Variants in DLG2 observed in about 807,000 individuals in gnomAD.
DLG2 encodes the protein disks large homolog 2.
In DLG2, 45 loss-of-function variants were observed where a neutral mutation model predicts 132.5. The observed-to-expected ratio is 0.34, with a 90% CI of 0.27 to 0.44. The LOEUF (loss-of-function observed/expected upper bound fraction) is 0.44, where lower values mean the gene tolerates loss of function less well. Ranked by LOEUF, DLG2 falls within the 20% of genes least tolerant of loss-of-function variation. The pLI is 1.00. For missense variants in DLG2, 1,045 were observed against 1,196.9 expected (o/e 0.87, Z 1.87); for synonymous variants, 424 against 419.6 (o/e 1.01, Z -0.13).
chr11:85,605,142 C>T (rs1384229943), intron 2 of DLG2, among the ~76,000 whole-genome samples: 2 of 152,066 alleles, frequency 1.3e-5, no homozygotes, highest in African/African-American at 4.8e-5. Flanking sequence ...CTTTTAAATG[C>T]ATTATCTTAT....
chr11:85,069,969 A>C (rs1041715604), intron 6 of DLG2, among the ~76,000 whole-genome samples: 1 of 152,098 alleles, frequency 6.6e-6, no homozygotes, highest in African/African-American at 2.4e-5. Context: ...AATACTATGC[A>C]GCCATAAAAA....
rs12271444 is a variant in DLG2 at position 84,625,117 on chromosome 11, C to T, written c.358-90386G>A. 3.9e-3 allele frequency among the ~76,000 whole-genome samples: 591 copies of T among 151,952 alleles called. 6 individuals are homozygous for T. Among genetic ancestry groups the T allele is most frequent in the African/African-American group, 0.013 (542 of 41,392 alleles). ...CCTCGTGATCCGCCCGCCTCGGCCT[C>T]CCAAAGTGCTGGGATTACAGGCGTG... On this transcript the variant is annotated intron_variant, in intron 6 of 27. Coordinates refer to ENST00000376104, the MANE Select transcript of DLG2 (RefSeq NM_001142699.3).
intron 6 of DLG2, among the ~76,000 whole-genome samples, chr11:84,981,967 A>G (rs1425246617): frequency 6.6e-6 from 1 of 152,178 alleles, no homozygotes; most frequent in Non-Finnish European, 1.5e-5. Context: ...CCATTTTATA[A>G]CAACTCCTTT....
At chr11:85,539,915 A>G (rs1219741637) in intron 3 of DLG2, among the ~76,000 whole-genome samples, 1 of 152,206 alleles carries the variant, frequency 6.6e-6, no homozygotes. Context: ...ACCTTAAGCA[A>G]TGAATACTCA....
At chr11:84,404,154 C>T (rs1190393123) in intron 7 of DLG2, among the ~76,000 whole-genome samples, 12 of 152,132 alleles carry the variant, frequency 7.9e-5, no homozygotes, top group Admixed American at 7.9e-4. Flanking sequence ...CCTTGCTGGC[C>T]TATAGTATTC....
At chr11:85,134,354 C>T (rs542888339) in intron 5 of DLG2, among the ~76,000 whole-genome samples, 382 of 149,506 alleles carry the variant, frequency 2.6e-3, no homozygotes, top group African/African-American at 9.0e-3. Context: ...ACGGTGAAAC[C>T]CCGTCTCTAC....
intron 12 of DLG2, among the ~76,000 whole-genome samples, 175 bp downstream of exon 12, chr11:83,980,331 G>A (rs143611819): frequency 7.2e-4 from 109 of 152,256 alleles, no homozygotes; most frequent in African/African-American, 2.4e-3. Flanking sequence ...AAACCTAATC[G>A]GTTGGAACCT....
chr11:83,868,087 T>G (rs1037518702), intron 16 of DLG2, among the ~76,000 whole-genome samples: 1 of 152,146 alleles, frequency 6.6e-6, no homozygotes, highest in African/African-American at 2.4e-5. Context: ...GATGCTGAAC[T>G]GGGGGGACAG....
chr11:84,013,580 A>G (rs138395948), intron 11 of DLG2, among the ~76,000 whole-genome samples: 103 of 152,150 alleles, frequency 6.8e-4, no homozygotes, highest in Middle Eastern at 3.4e-3. Flanking sequence ...ACATAACAGA[A>G]GTCTCCAGCT....
intron 3 of DLG2, among the ~76,000 whole-genome samples, chr11:85,365,487 CAGT>C (rs2084475355): frequency 6.6e-6 from 1 of 152,088 alleles, no homozygotes; most frequent in Admixed American, 6.6e-5. Context: ...TCAATTGAAC[CAGT>C]AGACTTATTT....
chr11:85,442,180 A>G (rs2091813653), intron 3 of DLG2, among the ~76,000 whole-genome samples: 1 of 152,218 alleles, frequency 6.6e-6, no homozygotes, highest in Admixed American at 6.5e-5. Flanking sequence ...TCCTAAGTGT[A>G]GTAGAATGCC....
chr11:85,527,739 A>G (rs2074890830), intron 3 of DLG2, among the ~76,000 whole-genome samples: 1 of 152,164 alleles, frequency 6.6e-6, no homozygotes, highest in African/African-American at 2.4e-5. Context: ...GTCAAATGAC[A>G]TTTCTGGTTT....
chr11:84,239,955 C>T (rs2097205441), intron 8 of DLG2, among the ~76,000 whole-genome samples: 1 of 152,158 alleles, frequency 6.6e-6, no homozygotes, highest in Non-Finnish European at 1.5e-5. Flanking sequence ...CCTTTTCTCC[C>T]ATAATAACGG....
chr11:84,819,892 C>T (rs773519148), intron 6 of DLG2, among the ~76,000 whole-genome samples: 4 of 151,676 alleles, frequency 2.6e-5, no homozygotes, highest in Non-Finnish European at 2.9e-5. Context: ...GGAGTGAAAG[C>T]TCCCCAGCAC....
At chr11:85,421,911 TC>T (rs1315482862) in intron 3 of DLG2, among the ~76,000 whole-genome samples, 2 of 152,128 alleles carry the variant, frequency 1.3e-5, no homozygotes, top group African/African-American at 4.8e-5. Context: ...CATTTGTTTT[TC>T]CGAAAAAGGC....
intron 6 of DLG2, among the ~76,000 whole-genome samples, chr11:84,868,053 A>G (rs1177000761): frequency 3.3e-5 from 5 of 150,904 alleles, no homozygotes; most frequent in Admixed American, 6.6e-5. Context: ...CAGCCTGGGC[A>G]ACAAAGCGAG....
At chr11:84,308,209 G>A (rs993556904) in intron 7 of DLG2, among the ~76,000 whole-genome samples, 6 of 152,020 alleles carry the variant, frequency 3.9e-5, no homozygotes, top group African/African-American at 1.4e-4. Context: ...TGATTGGTGC[G>A]TTTACAATCC....
chr11:83,860,616 G>A (rs1445369279), intron 16 of DLG2, among the ~76,000 whole-genome samples: 1 of 152,182 alleles, frequency 6.6e-6, no homozygotes, highest in Non-Finnish European at 1.5e-5. Flanking sequence ...CCTTATCTCA[G>A]ATGAGACTTG....
intron 6 of DLG2, among the ~76,000 whole-genome samples, chr11:84,861,635 A>AC (rs1159917795): frequency 4.5e-5 from 3 of 67,168 alleles, no homozygotes; most frequent in Non-Finnish European, 9.7e-5. Flanking sequence ...AAAAAAAAAA[A>AC]AAAACAAAAA....
Sources: allele counts gnomAD v4.1 joint callset (sites outside exome capture counted in the v4.1 genomes callset), GRCh38; gene constraint gnomAD v4.1.1; transcripts MANE v1.5; gene names NCBI Gene and HGNC (gene_info 2026-07-23, HGNC 2026-07-21).